The following FRMD4A variants were observed in gnomAD, a reference collection of about 807,000 sequenced individuals.
FRMD4A encodes the protein FERM domain containing 4A, also known as FERM domain-containing protein 4A.
FRMD4A carries 29 observed loss-of-function variants against 129.1 expected under a neutral mutation model. The ratio of observed to expected loss-of-function variants is 0.22; its 90% CI spans 0.17 to 0.31. The LOEUF is 0.31. Ranked by LOEUF, FRMD4A falls within the 10% of genes least tolerant of loss-of-function variation. The pLI, the probability that FRMD4A is intolerant of heterozygous loss-of-function variation, is 1.00. For missense variants in FRMD4A, 1,272 were observed against 1,375.8 expected, an observed-to-expected ratio of 0.92 and a Z score of 1.19; for synonymous variants, 634 against 571.6, an observed-to-expected ratio of 1.11 and a Z score of -1.56.
At chr10:14,059,684 C>G (rs942305012) in intron 2 of FRMD4A, among the ~76,000 whole-genome samples, 1 of 152,330 alleles carries the variant, frequency 6.6e-6, no homozygotes, top group East Asian at 1.9e-4. Context: ...CCTCAGCAGA[C>G]TAACACACCA....
chr10:13,705,810 G>A (rs887488317), intron 13 of FRMD4A, among the ~76,000 whole-genome samples: 3 of 152,174 alleles, frequency 2.0e-5, no homozygotes, highest in Admixed American at 6.5e-5. Context: ...CCTGACTGTG[G>A]AGATGCAGAA....
intron 2 of FRMD4A, among the ~76,000 whole-genome samples, chr10:14,309,724 G>A (rs570507263): frequency 2.4e-4 from 37 of 152,014 alleles, no homozygotes; most frequent in African/African-American, 7.0e-4. Flanking sequence ...CTCAGGCTCC[G>A]TATGCCTCCC....
intron 4 of FRMD4A, among the ~76,000 whole-genome samples, chr10:13,798,640 C>T (rs1274998454): frequency 1.3e-5 from 2 of 152,172 alleles, no homozygotes; most frequent in African/African-American, 4.8e-5. Flanking sequence ...TGGCATGAAC[C>T]TGGGAGGTGG....
chr10:13,925,566 C>CTGTTTT (rs2095122540), intron 2 of FRMD4A, among the ~76,000 whole-genome samples: 1 of 61,948 alleles, frequency 1.6e-5, no homozygotes, highest in African/African-American at 7.1e-5. Context: ...TAGTGAAACG[C>CTGTTTT]TTTTTTTTTT....
At chr10:14,013,303 C>T (rs181810685) in intron 2 of FRMD4A, among the ~76,000 whole-genome samples, 1 of 152,246 alleles carries the variant, frequency 6.6e-6, no homozygotes, top group East Asian at 1.9e-4. Context: ...CGTTTGAGGG[C>T]TCCAGGCAAT....
chr10:14,168,622 T>C (rs1273221816), intron 2 of FRMD4A, among the ~76,000 whole-genome samples: 1 of 152,222 alleles, frequency 6.6e-6, no homozygotes, highest in Non-Finnish European at 1.5e-5. Context: ...ATTCCAGGCA[T>C]TGGTCATGAG....
At chr10:13,959,748 G>T (rs2095434739) in intron 2 of FRMD4A, among the ~76,000 whole-genome samples, 1 of 152,152 alleles carries the variant, frequency 6.6e-6, no homozygotes, top group African/African-American at 2.4e-5. Flanking sequence ...TGTGAGAGCT[G>T]GCACTTGCTG....
intron 2 of FRMD4A, among the ~76,000 whole-genome samples, chr10:13,969,604 G>A (rs952877899): frequency 2.6e-5 from 4 of 152,180 alleles, no homozygotes; most frequent in South Asian, 4.1e-4. Flanking sequence ...TTATCCCAGC[G>A]CTTTGGGAGG....
At chr10:14,240,810 G>T (rs886593740) in intron 2 of FRMD4A, among the ~76,000 whole-genome samples, 2 of 151,774 alleles carry the variant, frequency 1.3e-5, no homozygotes, top group Non-Finnish European at 2.9e-5. Context: ...CTTTAAAATG[G>T]TTTCCAAACT....
chr10:13,813,175 T>A (rs897896633), intron 3 of FRMD4A, among the ~76,000 whole-genome samples: 1 of 152,254 alleles, frequency 6.6e-6, no homozygotes, highest in Non-Finnish European at 1.5e-5. Context: ...CCGGGCGCCA[T>A]GGCTCACGCC....
intron 2 of FRMD4A, among the ~76,000 whole-genome samples, chr10:14,296,866 C>T (rs1187679797): frequency 2.0e-5 from 3 of 152,162 alleles, no homozygotes; most frequent in African/African-American, 7.2e-5. Context: ...CAGTTCTCAT[C>T]CTGTCCTAAC....
At chr10:13,746,260 G>C (rs1294774645) in intron 9 of FRMD4A, among the ~76,000 whole-genome samples, 1 of 152,080 alleles carries the variant, frequency 6.6e-6, no homozygotes, top group Non-Finnish European at 1.5e-5. Flanking sequence ...CGCCAGGCTG[G>C]AGTGCAGTGG....
At chr10:13,658,450 G>T (rs1265137015) in intron 21 of FRMD4A, among the ~76,000 whole-genome samples, 1 of 152,238 alleles carries the variant, frequency 6.6e-6, no homozygotes, top group Non-Finnish European at 1.5e-5. Context: ...CCCGATGCTG[G>T]GACTGCATGT....
intron 2 of FRMD4A, among the ~76,000 whole-genome samples, chr10:14,243,026 ATCTG>A (rs770348470): frequency 6.3e-4 from 90 of 142,910 alleles, no homozygotes; most frequent in Non-Finnish European, 9.8e-4. Flanking sequence ...AAAATATGGC[ATCTG>A]TCTGTCTATC....
chr10:13,924,384 A>T (rs1175624723), intron 2 of FRMD4A, among the ~76,000 whole-genome samples: 1 of 149,138 alleles, frequency 6.7e-6, no homozygotes, highest in Non-Finnish European at 1.5e-5. Flanking sequence ...ACCCCATCTT[A>T]TCTCCGCCTA....
chr10:14,059,649 A>G (rs1046212165), intron 2 of FRMD4A, among the ~76,000 whole-genome samples: 1 of 152,198 alleles, frequency 6.6e-6, no homozygotes, highest in East Asian at 1.9e-4. Flanking sequence ...TAGGCCACCC[A>G]GTCTGCTTTA....
intron 2 of FRMD4A, among the ~76,000 whole-genome samples, chr10:13,980,200 A>G (rs2095555768): frequency 6.6e-6 from 1 of 152,204 alleles, no homozygotes; most frequent in African/African-American, 2.4e-5. Context: ...CAGAGGTGTA[A>G]ATGGTATCTG....
chr10:13,882,582 A>T (rs1191006163), intron 2 of FRMD4A, among the ~76,000 whole-genome samples: 1 of 152,152 alleles, frequency 6.6e-6, no homozygotes, highest in Non-Finnish European at 1.5e-5. Flanking sequence ...CAAACCCAGA[A>T]TCAGCCATTT....
At chr10:13,827,156 G>A (rs11258653) in intron 3 of FRMD4A, among the ~76,000 whole-genome samples, 96,183 of 152,030 alleles carry the variant, frequency 0.63, 30,554 homozygotes, top group Middle Eastern at 0.77. Context: ...TGGACTCTGT[G>A]GAGGGAGATC....
Sources: allele counts gnomAD v4.1 joint callset (sites outside exome capture counted in the v4.1 genomes callset), GRCh38; gene constraint gnomAD v4.1.1; transcripts MANE v1.5; gene names NCBI Gene and HGNC (gene_info 2026-07-23, HGNC 2026-07-21).